The following ADAMTS14 variants were observed in gnomAD, a reference collection of about 807,000 sequenced individuals.
ADAMTS14 encodes the protein ADAM metallopeptidase with thrombospondin type 1 motif 14.
Under a neutral mutation model 128.6 loss-of-function variants are expected in ADAMTS14, and 100 were observed. That is an observed-to-expected ratio of 0.78 (90% CI 0.66 to 0.92). The LOEUF (loss-of-function observed/expected upper bound fraction) is 0.92, where lower values mean the gene tolerates loss of function less well. Among genes scored for constraint, ADAMTS14 ranks in the 40% least tolerant of loss-of-function variants. The pLI, the probability that ADAMTS14 is intolerant of heterozygous loss-of-function variation, is 0.00. For missense variants in ADAMTS14, 1,562 were observed against 1,658.6 expected (o/e 0.94, Z 1.01); for synonymous variants, 665 against 653.8 (o/e 1.02, Z -0.26).
Position 70,741,033 on chromosome 10 carries a change from C to A in ADAMTS14, c.1795C>A (p.Gln599Lys), listed in dbSNP as rs1234317688. ...RLCLGPMFEY[Q>K]VCNSEECPGT... ...GTGCTTAGGGCCCATGTTCGAGTACCAGGTCTGCAACAGCGAGGAGTGCCC... is the reference window on the plus strand; with the variant it reads ...GTGCTTAGGGCCCATGTTCGAGTACAAGGTCTGCAACAGCGAGGAGTGCCC... Residue 599 changes from glutamine (Q) to lysine (K), a missense_variant, in exon 12 of 22, where the codon CAG becomes AAG. By Grantham distance (53) the Gln-to-Lys change is moderately conservative. Coordinates refer to ENST00000373207, the MANE Select transcript of ADAMTS14 (RefSeq NM_080722.4). 9.3e-6 allele frequency: 15 copies of A among 1,614,006 alleles called. No individual in the cohort carries two copies. The highest frequency in any genetic ancestry group is 3.3e-5 in the South Asian group (3 of 91,080).
chr10:70,717,697 A>C (rs1378290388), intron 4 of ADAMTS14, among the ~76,000 whole-genome samples: 1 of 152,140 alleles, frequency 6.6e-6, no homozygotes, highest in Non-Finnish European at 1.5e-5. Flanking sequence ...GAGGGTGAGA[A>C]GAGAGACAGA....
intron 4 of ADAMTS14, among the ~76,000 whole-genome samples, chr10:70,710,211 C>T (rs1253791893): frequency 2.0e-5 from 3 of 152,220 alleles, no homozygotes; most frequent in Admixed American, 6.5e-5. Flanking sequence ...GCCACGTCAA[C>T]AGGAGGCAAC....
intron 2 of ADAMTS14, among the ~76,000 whole-genome samples, chr10:70,693,881 G>A (rs1194525111): frequency 6.6e-6 from 1 of 152,154 alleles, no homozygotes; most frequent in Non-Finnish European, 1.5e-5. Context: ...TTGAACCTTT[G>A]GCTTGTTGTG....
At chr10:70,675,824 G>T (rs1313080738) in intron 2 of ADAMTS14, among the ~76,000 whole-genome samples, 2 of 152,220 alleles carry the variant, frequency 1.3e-5, no homozygotes, top group African/African-American at 4.8e-5. Flanking sequence ...TCAAGGTCCT[G>T]TTGGGCAGCT....
intron 12 of ADAMTS14, among the ~76,000 whole-genome samples, chr10:70,741,670 G>A (rs1191792674): frequency 6.6e-6 from 1 of 152,224 alleles, no homozygotes; most frequent in Non-Finnish European, 1.5e-5. Flanking sequence ...ATTTTGGAAG[G>A]CACGCAGATA....
At chr10:70,730,333 C>G (rs1316919401) in intron 6 of ADAMTS14, 84 bp downstream of exon 6, 2 of 1,513,256 alleles carry the variant, frequency 1.3e-6, no homozygotes, top group Non-Finnish European at 1.8e-6. Context: ...CAGATGGGCT[C>G]TCTTCTGGGG....
intron 11 of ADAMTS14, among the ~76,000 whole-genome samples, chr10:70,739,900 A>G (rs1304584384): frequency 6.6e-6 from 1 of 152,232 alleles, no homozygotes; most frequent in Admixed American, 6.5e-5. Context: ...TTGACCTTCT[A>G]CACACATGAA....
At chr10:70,708,529 G>A (rs780168748) in intron 3 of ADAMTS14, 59 bp from the exon 4 acceptor site, 1 of 1,489,048 alleles carries the variant, frequency 6.7e-7, no homozygotes, top group Admixed American at 1.9e-5. Context: ...GGTGGGCAAT[G>A]TCACAGTGAC....
chr10:70,729,205 C>A (rs1841541260), intron 4 of ADAMTS14, 89 bp from the exon 5 acceptor site: 1 of 1,105,722 alleles, frequency 9.0e-7, no homozygotes, highest in Non-Finnish European at 1.4e-6. Context: ...GGTGGGGATA[C>A]CATATGTTAG....
At chr10:70,673,083 TAGAC>T (rs1839530913) in intron 1 of ADAMTS14, among the ~76,000 whole-genome samples, 199 bp downstream of exon 1, 1 of 152,204 alleles carries the variant, frequency 6.6e-6, no homozygotes, top group Non-Finnish European at 1.5e-5. Context: ...GTACTAGAAG[TAGAC>T]AGAGACCCCA....
chr10:70,757,903 C>T (rs1842515237), intron 19 of ADAMTS14, 59 bp from the exon 20 acceptor site: 1 of 1,529,460 alleles, frequency 6.5e-7, no homozygotes, highest in Non-Finnish European at 8.7e-7. Flanking sequence ...ACTCGTCTTT[C>T]TTCTCTCCAC....
At chr10:70,741,878 G>C (rs527634960) in intron 12 of ADAMTS14, among the ~76,000 whole-genome samples, 1 of 152,200 alleles carries the variant, frequency 6.6e-6, no homozygotes, top group African/African-American at 2.4e-5. Context: ...CAGAGCCTCG[G>C]CTGGAAGAGC....
chr10:70,712,537 T>C (rs764141129), intron 4 of ADAMTS14, among the ~76,000 whole-genome samples: 1 of 152,120 alleles, frequency 6.6e-6, no homozygotes, highest in Non-Finnish European at 1.5e-5. Context: ...ACAGAAACAT[T>C]ATAGATTAGG....
intron 4 of ADAMTS14, among the ~76,000 whole-genome samples, chr10:70,710,667 G>A (rs569213180): frequency 5.6e-4 from 86 of 152,350 alleles, no homozygotes; most frequent in Non-Finnish European, 1.1e-3. Context: ...CTTTGGGGGC[G>A]AGTTACGAAC....
chr10:70,748,975 G>T (rs371433671), intron 15 of ADAMTS14, among the ~76,000 whole-genome samples: 1 of 152,198 alleles, frequency 6.6e-6, no homozygotes, highest in Non-Finnish European at 1.5e-5. Flanking sequence ...GCCTCCCGGG[G>T]TCTTTTGGTA....
chr10:70,736,534 T>G, intron 9 of ADAMTS14, 146 bp from the exon 10 acceptor site: 1 of 630,258 alleles, frequency 1.6e-6, no homozygotes, highest in Non-Finnish European at 2.6e-6. Context: ...TTGAGTAAAC[T>G]TGAAGCAGGT....
At position 70,751,545 on chromosome 10, in the gene ADAMTS14, T is replaced by C. The variant is rs1490628640; in HGVS notation, c.2495T>C (p.Leu832Pro). The C allele has an allele frequency of 6.2e-7, 1 of 1,613,852 alleles. No individual in the cohort carries two copies. Among genetic ancestry groups the C allele is most frequent in the Non-Finnish European group, 8.5e-7 (1 of 1,179,752 alleles). ...TACAAGTACGTCATCCATGAGGACC[T>C]GCTGCCCCTTATCGGGAGCAACAAT... ...LAYKYVIHEDLLPLIGSNNVL... is the reference protein window; with the variant it reads ...LAYKYVIHEDPLPLIGSNNVL... The change falls in exon 17 of 22, where the codon CTG (leucine) becomes CCG (proline). Residue 832 changes from leucine (L) to proline (P), a missense_variant. By Grantham distance (98) the Leu-to-Pro change is moderately conservative. Transcript: ENST00000373207.
intron 2 of ADAMTS14, among the ~76,000 whole-genome samples, chr10:70,695,003 G>T (rs921728843): frequency 6.6e-6 from 1 of 152,120 alleles, no homozygotes; most frequent in Admixed American, 6.5e-5. Flanking sequence ...ATGTATGAGG[G>T]TTCCAGTTTC....
chr10:70,713,352 T>G, intron 4 of ADAMTS14, among the ~76,000 whole-genome samples: 2 of 151,426 alleles, frequency 1.3e-5, no homozygotes, highest in East Asian at 1.9e-4. Context: ...GGGGTGGGGG[T>G]CAGGGTTCTT....
Sources: allele counts gnomAD v4.1 joint callset (sites outside exome capture counted in the v4.1 genomes callset), GRCh38; gene constraint gnomAD v4.1.1; transcripts MANE v1.5; gene names NCBI Gene and HGNC (gene_info 2026-07-23, HGNC 2026-07-21).